Variants in NEMP2 observed in about 807,000 individuals in gnomAD.
NEMP2 encodes nuclear envelope integral membrane protein 2.
In NEMP2, 53 loss-of-function variants were observed where a neutral mutation model predicts 54.2. That is an observed-to-expected ratio of 0.98 (90% confidence interval 0.78 to 1.23). The LOEUF is 1.23. Among genes scored for constraint, NEMP2 ranks in the 50% most tolerant of loss-of-function variants. The pLI is 0.00. For missense variants in NEMP2, 455 were observed against 511.3 expected (o/e 0.89, Z 1.06); for synonymous variants, 197 against 190.3 (o/e 1.04, Z -0.29).
Position 190,533,277 on chromosome 2 carries a change from C to T in NEMP2, c.97+1282G>A, listed in dbSNP as rs7556716. On this transcript the variant is annotated intron_variant, in intron 1 of 8. Transcript: ENST00000409150. This position sits in a 1 kb window ranked among gnomAD's most constrained non-coding sequence, Gnocchi z 4.3. ...CTACTTCTAATTTTCTCGCTGTTGC[C>T]ATGCCCAGAAACCTTCCTGCTTAGA... Among the ~76,000 whole-genome samples the T allele has an allele frequency of 0.15, 22,086 of 152,182 alleles. 1,844 individuals carry two copies. The highest frequency in any genetic ancestry group is 0.22 in the Middle Eastern group (64 of 294).
the NEMP2 span, among the ~76,000 whole-genome samples, chr2:190,487,678 G>A: frequency 6.6e-6 from 1 of 152,132 alleles, no homozygotes; most frequent in Non-Finnish European, 1.5e-5. This position sits in a 1 kb window ranked among gnomAD's most constrained non-coding sequence, Gnocchi z 5.5. Context: ...TTAGGGGAAA[G>A]CAAATCAACA....
chr2:190,452,154 T>G, the NEMP2 span, among the ~76,000 whole-genome samples: 1 of 152,032 alleles, frequency 6.6e-6, no homozygotes, highest in South Asian at 2.1e-4. Context: ...AAAAATAAGT[T>G]TAAAAATCTC....
At chr2:190,581,916 C>T in the NEMP2 span, among the ~76,000 whole-genome samples, 3 of 152,058 alleles carry the variant, frequency 2.0e-5, no homozygotes, top group Non-Finnish European at 4.4e-5. Context: ...GGAGTATTTA[C>T]ACCACAAAAA....
the NEMP2 span, among the ~76,000 whole-genome samples, chr2:190,563,361 T>C: frequency 1.3e-5 from 2 of 152,130 alleles, no homozygotes; most frequent in African/African-American, 4.8e-5. This position sits in a 1 kb window ranked among gnomAD's most constrained non-coding sequence, Gnocchi z 4.3. Flanking sequence ...TTCACGCAGG[T>C]AGACGTTTTC....
upstream of NEMP2, among the ~76,000 whole-genome samples, chr2:190,537,351 A>G (rs147547485): frequency 9.3e-4 from 141 of 152,264 alleles, no homozygotes; most frequent in African/African-American, 3.2e-3. Context: ...ATCCCCACAC[A>G]TCGTGGGAGG....
At chr2:190,483,138 C>T in the NEMP2 span, among the ~76,000 whole-genome samples, 6 of 150,700 alleles carry the variant, frequency 4.0e-5, no homozygotes, top group East Asian at 2.0e-4. Context: ...GTGATCCACC[C>T]GCCTCGGCCT....
chr2:190,458,329 T>C, the NEMP2 span, among the ~76,000 whole-genome samples: 2 of 152,088 alleles, frequency 1.3e-5, no homozygotes, highest in African/African-American at 4.8e-5. The surrounding 1 kb of genome is among the most constrained non-coding windows in gnomAD (Gnocchi z 5.3). Context: ...ATGAGCAGTG[T>C]CCTCGTGAGA....
chr2:190,450,889 G>A, the NEMP2 span, among the ~76,000 whole-genome samples: 1 of 152,188 alleles, frequency 6.6e-6, no homozygotes, highest in Admixed American at 6.5e-5. Context: ...TTGTCCAGGT[G>A]TACTATACCT....
upstream of NEMP2, chr2:190,534,825 C>T (rs1247289125): frequency 4.6e-5 from 21 of 456,916 alleles, no homozygotes; most frequent in Admixed American, 4.9e-4. Flanking sequence ...GCTCGTTGCT[C>T]CAGCCTCCGC....
the NEMP2 span, among the ~76,000 whole-genome samples, chr2:190,460,137 T>C: frequency 6.6e-6 from 1 of 152,244 alleles, no homozygotes. Context: ...GCTCAGAGCA[T>C]GTGCTGAAGT....
chr2:190,564,239 T>G, the NEMP2 span, among the ~76,000 whole-genome samples: 1 of 152,228 alleles, frequency 6.6e-6, no homozygotes, highest in African/African-American at 2.4e-5. The surrounding 1 kb of genome is among the most constrained non-coding windows in gnomAD (Gnocchi z 4.2). Context: ...TTTACTTATT[T>G]ATTTATTTTT....
At chr2:190,491,129 A>T in the NEMP2 span, among the ~76,000 whole-genome samples, 1 of 152,254 alleles carries the variant, frequency 6.6e-6, no homozygotes, top group Non-Finnish European at 1.5e-5. This position sits in a 1 kb window ranked among gnomAD's most constrained non-coding sequence, Gnocchi z 4.2. Flanking sequence ...CATTAATTAA[A>T]CATTCAATGT....
the NEMP2 span, among the ~76,000 whole-genome samples, chr2:190,603,926 A>G: frequency 2.0e-5 from 3 of 152,132 alleles, no homozygotes; most frequent in Non-Finnish European, 4.4e-5. Flanking sequence ...TACATTTTCC[A>G]TATTCAGATC....
the NEMP2 span, among the ~76,000 whole-genome samples, chr2:190,596,084 T>C: frequency 6.6e-6 from 1 of 151,800 alleles, no homozygotes; most frequent in Non-Finnish European, 1.5e-5. The surrounding 1 kb of genome is among the most constrained non-coding windows in gnomAD (Gnocchi z 5.1). Flanking sequence ...AAAGGATGAG[T>C]TCATGTCTTT....
the NEMP2 span, among the ~76,000 whole-genome samples, chr2:190,481,257 G>A: frequency 6.6e-6 from 1 of 152,182 alleles, no homozygotes; most frequent in Admixed American, 6.5e-5. Context: ...GGGCCCCCTA[G>A]AACATTGTTA....
chr2:190,639,200 G>A, the NEMP2 span, among the ~76,000 whole-genome samples: 18 of 152,240 alleles, frequency 1.2e-4, no homozygotes, highest in East Asian at 3.5e-3. Flanking sequence ...CTAGTTGGGT[G>A]ATAAGGCAAC....
chr2:190,564,783 A>C, the NEMP2 span, among the ~76,000 whole-genome samples: 1 of 152,250 alleles, frequency 6.6e-6, no homozygotes, highest in South Asian at 2.1e-4. The surrounding 1 kb of genome is among the most constrained non-coding windows in gnomAD (Gnocchi z 4.2). Flanking sequence ...AGATGGCAGA[A>C]TGAACACAGG....
the NEMP2 span, among the ~76,000 whole-genome samples, chr2:190,588,650 C>A: frequency 6.6e-6 from 1 of 152,154 alleles, no homozygotes; most frequent in Admixed American, 6.5e-5. This position sits in a 1 kb window ranked among gnomAD's most constrained non-coding sequence, Gnocchi z 5.0. Context: ...TGTGCTGTTA[C>A]TGCTGCTTCC....
At chr2:190,552,230 T>A in the NEMP2 span, among the ~76,000 whole-genome samples, 4 of 152,206 alleles carry the variant, frequency 2.6e-5, no homozygotes, top group South Asian at 8.3e-4. Flanking sequence ...TTCCTCCTGC[T>A]CAGATGCTGA....
Sources: allele counts gnomAD v4.1 joint callset (sites outside exome capture counted in the v4.1 genomes callset), GRCh38; gene constraint gnomAD v4.1.1; non-coding constraint Gnocchi (gnomAD v3.1); transcripts MANE v1.5; gene names NCBI Gene and HGNC (gene_info 2026-07-23, HGNC 2026-07-21).